The following FILIP1 variants were observed in gnomAD, a reference collection of about 807,000 sequenced individuals.
The protein encoded by FILIP1 is filamin A interacting protein 1.
Under a neutral mutation model 102.1 loss-of-function variants are expected in FILIP1, and 61 were observed. The observed-to-expected ratio is 0.60, with a 90% CI of 0.49 to 0.74. The LOEUF is 0.74. Among genes scored for constraint, FILIP1 ranks in the 30% least tolerant of loss-of-function variants. FILIP1 has a pLI of 0.00. For synonymous variants in FILIP1, 491 were observed against 526.9 expected (o/e 0.93, Z 0.93); for missense variants, 1,314 against 1,441.2 (o/e 0.91, Z 1.43).
intron 4 of FILIP1, among the ~76,000 whole-genome samples, chr6:75,320,827 A>G (rs774235411): frequency 6.6e-6 from 1 of 152,196 alleles, no homozygotes; most frequent in Non-Finnish European, 1.5e-5. Context: ...GTGTCTCTCA[A>G]CTGAGAAACC....
At chr6:75,473,722 T>C (rs1041878857) in intron 1 of FILIP1, 3 of 152,162 alleles carry the variant, frequency 2.0e-5, no homozygotes, top group African/African-American at 4.8e-5. Flanking sequence ...ACCAAATCTA[T>C]ATGAAAACTT....
At chr6:75,336,323 G>A (rs995919763) in intron 4 of FILIP1, among the ~76,000 whole-genome samples, 2 of 152,120 alleles carry the variant, frequency 1.3e-5, no homozygotes, top group African/African-American at 4.8e-5. Context: ...AGGGATATGG[G>A]TTTTAACTTA....
In FILIP1 at chr6:75,314,160, T is replaced by C. The variant is rs1773333116; in HGVS notation, c.1672A>G (p.Lys558Glu). 1.3e-6 allele frequency: 2 copies of C among 1,537,896 alleles called. No individual in the cohort carries two copies. Among genetic ancestry groups the C allele is most frequent in the Non-Finnish European group, 1.7e-6 (2 of 1,153,956 alleles). The change falls in exon 5 of 6, where the codon AAA becomes GAA. Residue 558 changes from lysine (K) to glutamate (E), a missense_variant. This residue lies in a region of FILIP1 where 816 missense variants were observed against 913.1 expected (regional missense o/e 0.89). Transcript: ENST00000237172. ...TATACTTTTTCCTCCATTTCAGATT[T>C]TAGTTTTAAAAGTTTCTTACTTTCT... ...IEESKKLLKL[K>E]SEMEEKVYNL... is the part of the protein sequence containing the mutation.
At chr6:75,456,063 C>T (rs1337773313) in intron 1 of FILIP1, among the ~76,000 whole-genome samples, 4 of 152,204 alleles carry the variant, frequency 2.6e-5, no homozygotes, top group Admixed American at 6.5e-5. Context: ...CACACATCCT[C>T]CTAGGCCCTA....
At chr6:75,379,635 A>G (rs755823633) in intron 2 of FILIP1, among the ~76,000 whole-genome samples, 1 of 152,152 alleles carries the variant, frequency 6.6e-6, no homozygotes, top group Non-Finnish European at 1.5e-5. Flanking sequence ...GCTCCTTCTC[A>G]TAACCACTAC....
Position 75,493,444 on chromosome 6 carries a change from T to C in FILIP1, c.-37A>G, listed in dbSNP as rs1780026214. The stretch of plus-strand genomic sequence containing the variant: ...GGCAGCTCCTTTAACCAAAGGTATG[T>C]CCTCTATGTAGGTAGTTTATCCTTT... On this transcript the variant is annotated 5_prime_UTR_variant, in exon 1 of 6. Transcript: ENST00000237172. The C allele has an allele frequency of 6.6e-6, 1 of 152,224 alleles. No individual in the cohort carries two copies. Among genetic ancestry groups the C allele is most frequent in the Non-Finnish European group, 1.5e-5 (1 of 68,034 alleles). 9.4% of individuals were successfully genotyped at this position (152,224 alleles called of 1,614,324 possible). A position where few individuals can be genotyped will look rare whatever the true frequency, so the allele number is the denominator to read the frequency against.
intron 4 of FILIP1, among the ~76,000 whole-genome samples, chr6:75,331,811 G>A (rs1161733703): frequency 2.0e-5 from 3 of 152,100 alleles, no homozygotes; most frequent in Non-Finnish European, 4.4e-5. Context: ...TGAATTGAAG[G>A]TTTATATCCC....
At chr6:75,493,387 G>A (rs1218637846) in intron 1 of FILIP1, 27 bp downstream of exon 1, 1 of 152,202 alleles carries the variant, frequency 6.6e-6, no homozygotes, top group Admixed American at 6.5e-5. Flanking sequence ...TCTTAAGAGA[G>A]TAAGTATTTA....
intron 1 of FILIP1, among the ~76,000 whole-genome samples, chr6:75,491,780 G>A (rs1779964845): frequency 6.6e-6 from 1 of 152,134 alleles, no homozygotes; most frequent in African/African-American, 2.4e-5. Context: ...AAGAATAAAT[G>A]TACAACAATG....
chr6:75,372,619 GA>G (rs200355221), intron 2 of FILIP1, among the ~76,000 whole-genome samples: 2 of 34,328 alleles, frequency 5.8e-5, no homozygotes, highest in African/African-American at 9.6e-5. Context: ...AAGAAAGAAA[GA>G]AAAAGAAAGA....
intron 1 of FILIP1, among the ~76,000 whole-genome samples, chr6:75,475,142 G>A (rs1779437445): frequency 6.6e-6 from 1 of 151,948 alleles, no homozygotes; most frequent in African/African-American, 2.4e-5. Flanking sequence ...GACTAATAAA[G>A]GTTTAATTGA....
intron 6 of FILIP1, among the ~76,000 whole-genome samples, chr6:75,299,447 A>G (rs1231060817): frequency 6.6e-6 from 1 of 152,176 alleles, no homozygotes; most frequent in Non-Finnish European, 1.5e-5. Flanking sequence ...CAAAATAGCA[A>G]AGCACTTAAA....
At chr6:75,434,046 C>A (rs901531947) in intron 1 of FILIP1, among the ~76,000 whole-genome samples, 1 of 152,040 alleles carries the variant, frequency 6.6e-6, no homozygotes, top group East Asian at 1.9e-4. Flanking sequence ...CCATTGGTCT[C>A]TATCTCTGTT....
At chr6:75,488,196 G>T (rs1779848839) in intron 1 of FILIP1, among the ~76,000 whole-genome samples, 1 of 152,128 alleles carries the variant, frequency 6.6e-6, no homozygotes, top group African/African-American at 2.4e-5. Context: ...CAGAGCAGCA[G>T]GGGGATGCTG....
At chr6:75,425,730 C>A (rs1329703350) in intron 1 of FILIP1, among the ~76,000 whole-genome samples, 1 of 152,040 alleles carries the variant, frequency 6.6e-6, no homozygotes, top group African/African-American at 2.4e-5. Flanking sequence ...AAAATGAGGA[C>A]AATAAAGTAT....
intron 1 of FILIP1, among the ~76,000 whole-genome samples, chr6:75,461,814 A>C (rs1265634024): frequency 6.6e-6 from 1 of 152,224 alleles, no homozygotes; most frequent in Non-Finnish European, 1.5e-5. Flanking sequence ...CCGCTTGAAC[A>C]AGGGCGAAGT....
At chr6:75,401,057 C>T (rs930182107) in intron 2 of FILIP1, among the ~76,000 whole-genome samples, 1 of 152,034 alleles carries the variant, frequency 6.6e-6, no homozygotes, top group African/African-American at 2.4e-5. Context: ...CTTTCCCCAC[C>T]CCTACTATTT....
chr6:75,334,894 GGGGTGGAGCTGCCCAAGACTGGAA>G (rs1774191078), intron 4 of FILIP1: 1 of 152,184 alleles, frequency 6.6e-6, no homozygotes, highest in South Asian at 2.1e-4. Flanking sequence ...TCTGTGAGAA[GGGGTGGAGCTGCCCAAGACTGGAA>G]GGGAAGGCAG....
At chr6:75,408,170 T>C (rs1297944697) in intron 2 of FILIP1, among the ~76,000 whole-genome samples, 1 of 152,220 alleles carries the variant, frequency 6.6e-6, no homozygotes, top group Non-Finnish European at 1.5e-5. Flanking sequence ...GTAATTGGTA[T>C]TGGAAGCAGT....
Sources: gnomAD v4.1 joint callset for allele counts (sites outside exome capture counted in the v4.1 genomes callset) on GRCh38, gnomAD v4.1.1 for gene constraint, gnomAD v4.1.1 regional missense constraint, MANE v1.5 for transcripts, NCBI Gene and HGNC (gene_info 2026-07-23, HGNC 2026-07-21) for gene names.